The following TOX variants were observed in gnomAD, a reference collection of about 807,000 sequenced individuals.
The protein encoded by TOX is thymocyte selection-associated high mobility group box protein TOX.
In TOX, 11 loss-of-function variants were observed where a neutral mutation model predicts 53.7. The ratio of observed to expected loss-of-function variants is 0.20; its 90% CI spans 0.13 to 0.34. The LOEUF is 0.34. TOX is among the 10% of genes least tolerant of loss of function. TOX has a pLI of 1.00. For synonymous variants in TOX, 225 were observed against 245.3 expected, an observed-to-expected ratio of 0.92 and a Z score of 0.77; for missense variants, 570 against 664.6, an observed-to-expected ratio of 0.86 and a Z score of 1.56.
chr8:58,902,157 G>A (rs1053256576), intron 3 of TOX, among the ~76,000 whole-genome samples: 2 of 151,914 alleles, frequency 1.3e-5, no homozygotes, highest in African/African-American at 2.4e-5. Flanking sequence ...CTATCATTAC[G>A]AGTATGCTTT....
At chr8:59,046,450 A>G (rs1355796945) in intron 1 of TOX, among the ~76,000 whole-genome samples, 1 of 152,202 alleles carries the variant, frequency 6.6e-6, no homozygotes, top group Non-Finnish European at 1.5e-5. Flanking sequence ...CCAATTTCAG[A>G]GAACTAAATA....
At chr8:58,940,463 A>C (rs1486689694) in intron 2 of TOX, among the ~76,000 whole-genome samples, 1 of 152,240 alleles carries the variant, frequency 6.6e-6, no homozygotes, top group South Asian at 2.1e-4. Flanking sequence ...TGAAAAATAC[A>C]TGGAAGAAAT....
At chr8:59,047,903 G>C (rs183395539) in intron 1 of TOX, among the ~76,000 whole-genome samples, 1 of 152,214 alleles carries the variant, frequency 6.6e-6, no homozygotes, top group East Asian at 1.9e-4. Context: ...TGCAATATAA[G>C]TTCTTGCATT....
chr8:58,974,073 C>T (rs928586883), intron 1 of TOX, among the ~76,000 whole-genome samples: 11 of 152,176 alleles, frequency 7.2e-5, no homozygotes, highest in South Asian at 2.1e-4. Flanking sequence ...GCTGTAATTA[C>T]GAGTGTGAGC....
chr8:58,832,546 T>C (rs886268145), intron 5 of TOX, among the ~76,000 whole-genome samples: 1 of 152,142 alleles, frequency 6.6e-6, no homozygotes, highest in Non-Finnish European at 1.5e-5. Context: ...ATGTAGTGGG[T>C]GTCTGAGCAC....
chr8:59,046,044 T>G (rs1177537562), intron 1 of TOX, among the ~76,000 whole-genome samples: 1 of 152,106 alleles, frequency 6.6e-6, no homozygotes, highest in Non-Finnish European at 1.5e-5. Flanking sequence ...GTGACTGCCG[T>G]CCCCTGGGTT....
intron 1 of TOX, among the ~76,000 whole-genome samples, chr8:59,030,531 A>C (rs1814335205): frequency 6.6e-6 from 1 of 152,196 alleles, no homozygotes; most frequent in Non-Finnish European, 1.5e-5. Flanking sequence ...GCTGCTTCTA[A>C]CGTCACTAAG....
At chr8:59,075,325 G>A (rs1437200625) in intron 1 of TOX, among the ~76,000 whole-genome samples, 2 of 152,138 alleles carry the variant, frequency 1.3e-5, no homozygotes, top group East Asian at 3.9e-4. Context: ...ATGCTGAAGG[G>A]ACTCTCTGAC....
chr8:58,876,439 C>G (rs1295965560), intron 3 of TOX, among the ~76,000 whole-genome samples: 2 of 150,778 alleles, frequency 1.3e-5, no homozygotes, highest in African/African-American at 2.5e-5. Flanking sequence ...TAATTTGAAT[C>G]AACATATCCC....
At chr8:59,032,174 T>C (rs1468166384) in intron 1 of TOX, among the ~76,000 whole-genome samples, 1 of 152,098 alleles carries the variant, frequency 6.6e-6, no homozygotes, top group Non-Finnish European at 1.5e-5. Flanking sequence ...GGAGAAGTGA[T>C]GTGAGATTCA....
At chr8:59,071,693 A>T (rs1804199576) in intron 1 of TOX, among the ~76,000 whole-genome samples, 1 of 152,164 alleles carries the variant, frequency 6.6e-6, no homozygotes. Flanking sequence ...TTTACCTATG[A>T]ACTTTATCCA....
intron 1 of TOX, among the ~76,000 whole-genome samples, chr8:59,077,071 C>T (rs1356257117): frequency 6.6e-6 from 1 of 152,210 alleles, no homozygotes; most frequent in African/African-American, 2.4e-5. Context: ...TGGGGTAACC[C>T]AGCTCCTGCA....
chr8:58,820,506 T>C (rs1810256344), intron 6 of TOX, among the ~76,000 whole-genome samples: 1 of 152,192 alleles, frequency 6.6e-6, no homozygotes, highest in African/African-American at 2.4e-5. Context: ...ATTTGGGATA[T>C]TTGGGAGCTT....
intron 3 of TOX, among the ~76,000 whole-genome samples, chr8:58,923,948 C>T (rs1253005600): frequency 6.6e-6 from 1 of 152,080 alleles, no homozygotes; most frequent in Non-Finnish European, 1.5e-5. Context: ...CATATGAATG[C>T]AACACAAAGA....
intron 5 of TOX, among the ~76,000 whole-genome samples, chr8:58,832,813 G>A (rs779874191): frequency 4.1e-4 from 62 of 152,174 alleles, no homozygotes; most frequent in Admixed American, 2.8e-3. Flanking sequence ...GTAATTTCAC[G>A]AGGCGTCAAA....
intron 1 of TOX, among the ~76,000 whole-genome samples, chr8:59,116,981 A>G (rs1026815981): frequency 1.3e-5 from 2 of 152,244 alleles, no homozygotes; most frequent in African/African-American, 4.8e-5. Flanking sequence ...CTGATTTTCC[A>G]AAGCATTTAA....
intron 1 of TOX, among the ~76,000 whole-genome samples, chr8:59,086,773 C>A (rs577444606): frequency 5.3e-5 from 8 of 152,208 alleles, no homozygotes; most frequent in Non-Finnish European, 1.0e-4. Flanking sequence ...TCTATTCAAT[C>A]TGTACATTAA....
intron 3 of TOX, among the ~76,000 whole-genome samples, chr8:58,914,152 A>G (rs892266770): frequency 2.0e-5 from 3 of 152,234 alleles, no homozygotes; most frequent in African/African-American, 7.2e-5. Context: ...ATCCAGAAGC[A>G]GTGAAGTATG....
Position 58,946,085 on chromosome 8 carries a change from GATAA to G in TOX, c.169-6545_169-6542del, listed in dbSNP as rs538978696. Among the ~76,000 whole-genome samples, 309 of 152,230 alleles carry G rather than the reference GATAA, an allele frequency of 2.0e-3. 1 individual carries two copies. Among genetic ancestry groups the G allele is most frequent in the South Asian group, 3.7e-3 (18 of 4,820 alleles). ...TTCTCATATAGAACTGTATTTGAAA[GATAA>G]ATAAATAGTACTGCCATCAAACATA... On this transcript the variant is annotated intron_variant, in intron 2 of 8. Coordinates refer to ENST00000361421, the MANE Select transcript of TOX (RefSeq NM_014729.3).
Sources: allele counts gnomAD v4.1 joint callset (sites outside exome capture counted in the v4.1 genomes callset), GRCh38; gene constraint gnomAD v4.1.1; transcripts MANE v1.5; gene names NCBI Gene and HGNC (gene_info 2026-07-23, HGNC 2026-07-21).